Variants in VCF2 observed in about 807,000 individuals in gnomAD.
VCF2 encodes VCP nuclear cofactor family member 2.
At chrX:55,151,520 T>A in the VCF2 span, among the ~76,000 whole-genome samples, 1 of 64,272 alleles carries the variant, frequency 1.6e-5, no homozygotes, top group East Asian at 5.3e-4. Flanking sequence ...GGAATAAAGT[T>A]CCAGCAAAAC....
At chrX:55,146,935 T>C in the VCF2 span, among the ~76,000 whole-genome samples, 1 of 112,505 alleles carries the variant, frequency 8.9e-6, no homozygotes, top group Non-Finnish European at 1.9e-5. Flanking sequence ...TGTTACTTAT[T>C]AGCATTTTAT....
chrX:55,143,979 T>C, the VCF2 span: 1 of 457,142 alleles, frequency 2.2e-6, no homozygotes, highest in Middle Eastern at 6.3e-4. Context: ...AACTAAGTAC[T>C]GAAAAGTCTT....
the VCF2 span, chrX:55,160,960 G>A: frequency 1.6e-5 from 19 of 1,163,355 alleles, no homozygotes; most frequent in African/African-American, 3.4e-4. Flanking sequence ...CCGCGCCACC[G>A]GCCAACACTG....
the VCF2 span, among the ~76,000 whole-genome samples, chrX:55,154,426 T>A: frequency 8.9e-6 from 1 of 112,677 alleles, no homozygotes; most frequent in East Asian, 2.8e-4. Flanking sequence ...GAATTTTCAA[T>A]ATAGGTTTAA....
At chrX:55,151,455 C>G in the VCF2 span, among the ~76,000 whole-genome samples, 2 of 112,653 alleles carry the variant, frequency 1.8e-5, no homozygotes, top group Non-Finnish European at 3.7e-5. Flanking sequence ...TTTACAGGCA[C>G]AGATAAATCC....
At chrX:55,155,997 G>A in the VCF2 span, among the ~76,000 whole-genome samples, 1 of 95,851 alleles carries the variant, frequency 1.0e-5, no homozygotes, top group African/African-American at 4.0e-5. Flanking sequence ...AGGCTAGAGT[G>A]CTAGAGTGCA....
the VCF2 span, among the ~76,000 whole-genome samples, chrX:55,146,963 C>T: frequency 3.6e-5 from 4 of 111,593 alleles, no homozygotes; most frequent in African/African-American, 9.8e-5. Flanking sequence ...ATTCATTGTT[C>T]TTCTATACTT....
chrX:55,151,915 G>A, the VCF2 span, among the ~76,000 whole-genome samples: 6 of 86,789 alleles, frequency 6.9e-5, no homozygotes, highest in Admixed American at 1.3e-4. Flanking sequence ...TTTTTGAGAC[G>A]GAGTCTCGCT....
the VCF2 span, among the ~76,000 whole-genome samples, chrX:55,156,008 G>A: frequency 1.6e-3 from 165 of 102,187 alleles, no homozygotes; most frequent in African/African-American, 5.7e-3. Flanking sequence ...CTAGAGTGCA[G>A]TGGCACGATC....
the VCF2 span, among the ~76,000 whole-genome samples, chrX:55,154,220 T>C: frequency 2.7e-5 from 3 of 111,757 alleles, no homozygotes; most frequent in Non-Finnish European, 5.6e-5. Flanking sequence ...ACTCCTGGGC[T>C]CAAGGGATCC....
chrX:55,147,964 A>G, the VCF2 span, among the ~76,000 whole-genome samples: 1 of 110,727 alleles, frequency 9.0e-6, no homozygotes, highest in African/African-American at 3.3e-5. Context: ...GAAATAACTA[A>G]ATGTTTAAAA....
At chrX:55,152,037 GCCCGCCA>G in the VCF2 span, among the ~76,000 whole-genome samples, 1 of 104,668 alleles carries the variant, frequency 9.6e-6, no homozygotes, top group Non-Finnish European at 2.0e-5. Context: ...GACTACAGGC[GCCCGCCA>G]CTACGCCCGG....
chrX:55,150,510 C>T, the VCF2 span, among the ~76,000 whole-genome samples: 2 of 111,620 alleles, frequency 1.8e-5, no homozygotes, highest in Middle Eastern at 4.6e-3. Flanking sequence ...TCCTGCTGTG[C>T]GGCCTGGTTC....
chrX:55,144,915 C>A, the VCF2 span, among the ~76,000 whole-genome samples: 2 of 112,628 alleles, frequency 1.8e-5, no homozygotes, highest in African/African-American at 3.2e-5. Flanking sequence ...GGGCAGATAA[C>A]CTGATGCATC....
the VCF2 span, among the ~76,000 whole-genome samples, chrX:55,150,919 C>T: frequency 6.4e-3 from 715 of 111,440 alleles, 8 homozygotes; most frequent in African/African-American, 0.022. Context: ...TTTGTGACTT[C>T]GAAACATTGT....
chrX:55,153,836 C>T, the VCF2 span, among the ~76,000 whole-genome samples: 3 of 111,877 alleles, frequency 2.7e-5, no homozygotes, highest in Non-Finnish European at 3.8e-5. Flanking sequence ...ATTCCATAAC[C>T]GAGATTTTGG....
the VCF2 span, among the ~76,000 whole-genome samples, chrX:55,147,080 T>C: frequency 5.4e-5 from 6 of 112,138 alleles, no homozygotes; most frequent in Non-Finnish European, 9.4e-5. Flanking sequence ...CAGGGATCCC[T>C]GTAAACAGTT....
At chrX:55,161,110 C>T in the VCF2 span, 2 of 1,207,815 alleles carry the variant, frequency 1.7e-6, no homozygotes, top group Non-Finnish European at 2.2e-6. Context: ...GGACTGGTAC[C>T]GGCCGGAAAG....
chrX:55,151,836 C>CT, the VCF2 span, among the ~76,000 whole-genome samples: 1 of 108,274 alleles, frequency 9.2e-6, no homozygotes, highest in Non-Finnish European at 1.9e-5. Context: ...CTTTCCTTTC[C>CT]TTTTTTTCCA....
Sources: gnomAD v4.1 joint callset for allele counts (sites outside exome capture counted in the v4.1 genomes callset) on GRCh38, gnomAD v4.1.1 for gene constraint, MANE v1.5 for transcripts, NCBI Gene and HGNC (gene_info 2026-07-23, HGNC 2026-07-21) for gene names.